Variants in LRRFIP1 observed in about 807,000 individuals in gnomAD.
The protein encoded by LRRFIP1 is leucine-rich repeat flightless-interacting protein 1.
A neutral mutation model predicts 104.4 loss-of-function variants in LRRFIP1; 62 were observed. The observed-to-expected ratio is 0.59, with a 90% CI of 0.48 to 0.73. The LOEUF (loss-of-function observed/expected upper bound fraction) is 0.73. LRRFIP1 is among the 30% of genes least tolerant of loss of function. The pLI, the probability that LRRFIP1 is intolerant of heterozygous loss-of-function variation, is 0.00. For missense variants in LRRFIP1, 796 were observed against 824.5 expected, an observed-to-expected ratio of 0.97 and a Z score of 0.42; for synonymous variants, 300 against 299.0, an observed-to-expected ratio of 1.00 and a Z score of -0.03.
At position 237,781,500 on chromosome 2, in the gene LRRFIP1, GA is replaced by G. The variant is rs2150956986; in HGVS notation, c.*1970del. ...CGTTTTCCCTATCAGTGGCTCTGAG[GA>G]AGTCAAGCCTTCAGTCTCTACCTCT... On this transcript the variant is annotated 3_prime_UTR_variant, in exon 24 of 24. Transcript: ENST00000308482. 6.6e-6 allele frequency among the ~76,000 whole-genome samples: 1 copy of G among 152,304 alleles called. No individual in the cohort carries two copies. The highest frequency in any genetic ancestry group is 2.1e-4 in the South Asian group (1 of 4,828).
chr2:237,701,840 C>T (rs1316797213), intron 1 of LRRFIP1, among the ~76,000 whole-genome samples: 2 of 152,160 alleles, frequency 1.3e-5, no homozygotes, highest in Non-Finnish European at 2.9e-5. Context: ...ATCTGTGGCT[C>T]GGGATGGGGA....
At chr2:237,675,410 G>A (rs929287844) in intron 1 of LRRFIP1, among the ~76,000 whole-genome samples, 32 of 152,032 alleles carry the variant, frequency 2.1e-4, no homozygotes, top group African/African-American at 6.3e-4. Flanking sequence ...AGTTTCCTTC[G>A]TAACCCTATG....
intron 1 of LRRFIP1, among the ~76,000 whole-genome samples, chr2:237,667,477 TC>T (rs1394412704): frequency 6.6e-6 from 1 of 152,232 alleles, no homozygotes; most frequent in East Asian, 1.9e-4. Flanking sequence ...TTGGGTTGAT[TC>T]CAAGTCTTTG....
chr2:237,724,628 G>A (rs1212824682), intron 7 of LRRFIP1, among the ~76,000 whole-genome samples: 1 of 152,166 alleles, frequency 6.6e-6, no homozygotes, highest in Non-Finnish European at 1.5e-5. Context: ...GCAGGTGAGG[G>A]CATTTCTGTG....
At chr2:237,670,484 G>C (rs74001241) in intron 1 of LRRFIP1, among the ~76,000 whole-genome samples, 2,320 of 152,362 alleles carry the variant, frequency 0.015, 55 homozygotes, top group African/African-American at 0.048. Flanking sequence ...CCAGAGGTCT[G>C]CTGAGCTGAA....
intron 7 of LRRFIP1, among the ~76,000 whole-genome samples, chr2:237,726,975 A>C (rs1411773510): frequency 1.3e-5 from 2 of 152,230 alleles, no homozygotes; most frequent in Non-Finnish European, 2.9e-5. Context: ...CATTTTGAAA[A>C]ATAAAGTAGG....
At chr2:237,677,828 C>T (rs2091342172) in intron 1 of LRRFIP1, among the ~76,000 whole-genome samples, 1 of 152,116 alleles carries the variant, frequency 6.6e-6, no homozygotes, top group Non-Finnish European at 1.5e-5. Flanking sequence ...TGCCTGGGTC[C>T]CTCTGCCTTC....
At chr2:237,705,108 G>A (rs556936210) in intron 1 of LRRFIP1, among the ~76,000 whole-genome samples, 37 of 152,226 alleles carry the variant, frequency 2.4e-4, no homozygotes, top group African/African-American at 8.7e-4. Flanking sequence ...TCAGGCAGGC[G>A]AGCTCTGCAA....
chr2:237,739,206 T>A, intron 10 of LRRFIP1, 26 bp from the exon 11 acceptor site: 1 of 1,549,772 alleles, frequency 6.5e-7, no homozygotes, highest in Non-Finnish European at 8.7e-7. Context: ...TCTGGCTGCG[T>A]GTCCTGGCGG....
At chr2:237,750,467 G>C (rs575853619) in intron 13 of LRRFIP1, among the ~76,000 whole-genome samples, 25 of 151,484 alleles carry the variant, frequency 1.7e-4, no homozygotes, top group South Asian at 6.3e-4. Flanking sequence ...CTCCTGAGTA[G>C]CTGGGATTAC....
In LRRFIP1 at chr2:237,779,765, T is replaced by C; in HGVS notation, c.*233T>C. ...CGGGCTGGCGCCGACGCTCAGAACC[T>C]GCAGGTACTTCATAAGCACACAGGG... On this transcript the variant is annotated 3_prime_UTR_variant, in exon 24 of 24. Coordinates refer to ENST00000308482, the MANE Select transcript of LRRFIP1 (RefSeq NM_001137550.2). 4.9e-6 allele frequency: 2 copies of C among 405,338 alleles called. No homozygotes were observed. The highest frequency in any genetic ancestry group is 9.2e-6 in the Non-Finnish European group (2 of 217,024). 25.1% of individuals were successfully genotyped at this position (405,338 alleles called of 1,614,324 possible).
At chr2:237,688,012 T>C (rs563517987) in intron 1 of LRRFIP1, among the ~76,000 whole-genome samples, 3 of 152,354 alleles carry the variant, frequency 2.0e-5, no homozygotes, top group African/African-American at 7.2e-5. Context: ...ATTCTGATGT[T>C]CCTAGAACAA....
intron 13 of LRRFIP1, among the ~76,000 whole-genome samples, chr2:237,749,649 C>T (rs2058335862): frequency 6.6e-6 from 1 of 152,190 alleles, no homozygotes. Context: ...TATGCTTGGT[C>T]TGCATAGACA....
chr2:237,698,509 C>A lies in LRRFIP1; in HGVS notation c.97-10035C>A, dbSNP rs76119764. Among the ~76,000 whole-genome samples, 568 of 152,364 alleles carry A rather than the reference C, an allele frequency of 3.7e-3. 39 individuals are homozygous for A. The East Asian group carries it at 0.098, about 26-fold the overall frequency. On this transcript the variant is annotated intron_variant, in intron 1 of 23. Coordinates refer to ENST00000308482, the MANE Select transcript of LRRFIP1 (RefSeq NM_001137550.2). ...CATTTCTTGGACTTGTCTGCCAGGT[C>A]CCCCGAGTGCAGAGGACAGTGTGCT...
chr2:237,685,984 A>G (rs1388825521), intron 1 of LRRFIP1, among the ~76,000 whole-genome samples: 1 of 151,962 alleles, frequency 6.6e-6, no homozygotes, highest in Non-Finnish European at 1.5e-5. Flanking sequence ...TGCTCTCTTC[A>G]CTCTGTGGCT....
intron 16 of LRRFIP1, among the ~76,000 whole-genome samples, 193 bp downstream of exon 16, chr2:237,756,380 TC>T (rs1456891312): frequency 6.6e-6 from 1 of 152,244 alleles, no homozygotes; most frequent in East Asian, 1.9e-4. Context: ...AGGCCTCTCT[TC>T]CTGGCCTGCA....
chr2:237,647,753 G>A (rs1375634754), intron 1 of LRRFIP1, among the ~76,000 whole-genome samples: 14 of 143,278 alleles, frequency 9.8e-5, no homozygotes, highest in Admixed American at 2.7e-4. Flanking sequence ...GCAGGGTCAC[G>A]CCCTGTCACC....
chr2:237,717,888 G>A lies in LRRFIP1; in HGVS notation c.249+79G>A. The A allele has an allele frequency of 9.1e-7, 1 of 1,096,800 alleles. No individual in the cohort carries two copies. The highest frequency in any genetic ancestry group is 1.4e-6 in the Non-Finnish European group (1 of 707,650). The allele number at this position is 1,096,800 out of a possible 1,614,324, so 67.9% of individuals were successfully genotyped here. On this transcript the variant is annotated intron_variant, in intron 4 of 23. Transcript: ENST00000308482. The surrounding 1 kb of genome is among the most constrained non-coding windows in gnomAD (Gnocchi z 4.2). ...TGTTGAGACTTAAATGGTTTATAAT[G>A]TAATTCTTACGCAGTTTAACTATGT... is the stretch of plus-strand genomic sequence containing the variant.
Position 237,645,807 on chromosome 2 carries a change from A to G in LRRFIP1, c.96+18067A>G, listed in dbSNP as rs1346428600. Among the ~76,000 whole-genome samples the G allele has an allele frequency of 1.3e-5, 2 of 152,018 alleles. 1 individual carries two copies. Among genetic ancestry groups the G allele is most frequent in the Non-Finnish European group, 2.9e-5 (2 of 67,954 alleles). On this transcript the variant is annotated intron_variant, in intron 1 of 23. Coordinates refer to ENST00000308482, the MANE Select transcript of LRRFIP1 (RefSeq NM_001137550.2). ...AGATCAAAGAAATGCAGAGCAGACT[A>G]AGAAAGATGAAACATCTGGATTGCA...
Sources: allele counts gnomAD v4.1 joint callset (sites outside exome capture counted in the v4.1 genomes callset), GRCh38; gene constraint gnomAD v4.1.1; non-coding constraint Gnocchi (gnomAD v3.1); transcripts MANE v1.5; gene names NCBI Gene and HGNC (gene_info 2026-07-23, HGNC 2026-07-21).